CD86: variants seen among roughly 807,000 people sequenced by gnomAD.
The protein encoded by CD86 is T-lymphocyte activation antigen CD86.
CD86 carries 11 observed loss-of-function variants against 32.1 expected under a neutral mutation model. That is an observed-to-expected ratio of 0.34 (90% CI 0.22 to 0.57). The LOEUF (loss-of-function observed/expected upper bound fraction) is 0.57, where lower values mean the gene tolerates loss of function less well. CD86 is among the 20% of genes least tolerant of loss of function. The pLI is 0.86. For synonymous variants in CD86, 137 were observed against 135.3 expected (o/e 1.01, Z -0.09); for missense variants, 359 against 398.4 (o/e 0.90, Z 0.84).
At chr3:122,088,603 G>C (rs2072763432) in intron 1 of CD86, among the ~76,000 whole-genome samples, 2 of 152,268 alleles carry the variant, frequency 1.3e-5, no homozygotes, top group South Asian at 2.1e-4. Context: ...AGAGTTCTCT[G>C]TCTGATTCCT....
At chr3:122,086,530 C>G in intron 1 of CD86, 1 of 457,352 alleles carries the variant, frequency 2.2e-6, no homozygotes, top group Non-Finnish European at 4.4e-6. Flanking sequence ...CATATTTCCC[C>G]AGAGCTCTTC....
At chr3:122,111,106 A>G (rs2073165342) in intron 5 of CD86, among the ~76,000 whole-genome samples, 1 of 152,030 alleles carries the variant, frequency 6.6e-6, no homozygotes, top group South Asian at 2.1e-4. Context: ...CACATACATG[A>G]CCCCTAAGAA....
At chr3:122,101,506 A>AT (rs1559909700) in intron 2 of CD86, among the ~76,000 whole-genome samples, 50 of 57,142 alleles carry the variant, frequency 8.8e-4, no homozygotes, top group East Asian at 7.8e-3. Flanking sequence ...AAAAAAAAAA[A>AT]AAAAAAAATA....
intron 4 of CD86, 101 bp from the exon 5 acceptor site, chr3:122,109,164 C>T (rs2073135496): frequency 8.0e-7 from 1 of 1,255,964 alleles, no homozygotes; most frequent in East Asian, 2.4e-5. Context: ...GGCCTTAGAG[C>T]CCTGGGGAGA....
chr3:122,111,800 A>G (rs1480685948), intron 5 of CD86, among the ~76,000 whole-genome samples: 1 of 152,208 alleles, frequency 6.6e-6, no homozygotes, highest in African/African-American at 2.4e-5. Context: ...AATTTCTCCA[A>G]AAGTGGAGCT....
At chr3:122,083,066 T>G (rs78672460) in intron 1 of CD86, among the ~76,000 whole-genome samples, 1,701 of 152,316 alleles carry the variant, frequency 0.011, 21 homozygotes, top group Middle Eastern at 0.027. Flanking sequence ...TCTTGATCTA[T>G]CCACTTTTCC....
chr3:122,114,690 A>T (rs1200709439), intron 5 of CD86, among the ~76,000 whole-genome samples: 2 of 152,260 alleles, frequency 1.3e-5, no homozygotes, highest in Admixed American at 6.5e-5. Context: ...CAAGAAACAC[A>T]GGTAAGCTCA....
rs1228489030 is a variant in CD86 at position 122,119,779 on chromosome 3, G to T, written c.*245G>T. 2.5e-5 allele frequency: 9 copies of T among 363,350 alleles called. No individual in the cohort carries two copies. The highest frequency in any genetic ancestry group is 4.6e-5 in the Admixed American group (1 of 21,966). The allele number at this position is 363,350 out of a possible 1,614,324, so 22.5% of individuals were successfully genotyped here. On this transcript the variant is annotated 3_prime_UTR_variant, in exon 7 of 7. Transcript: ENST00000330540. The stretch of plus-strand genomic sequence containing the variant: ...AGAGCACACTTATGGGCCAAGCCCA[G>T]CTTAATGGCTCATGACCTGGAAATA...
chr3:122,073,059 C>T (rs2072511585), intron 1 of CD86, among the ~76,000 whole-genome samples: 1 of 151,166 alleles, frequency 6.6e-6, no homozygotes, highest in Admixed American at 6.6e-5. Context: ...GGCCTTATTT[C>T]TGAGGGCTCT....
intron 1 of CD86, among the ~76,000 whole-genome samples, chr3:122,066,118 C>T (rs2072409225): frequency 6.6e-6 from 1 of 152,182 alleles, no homozygotes; most frequent in South Asian, 2.1e-4. Flanking sequence ...AATCCCTTTA[C>T]ACACTCTTCA....
intron 1 of CD86, among the ~76,000 whole-genome samples, chr3:122,061,736 C>A (rs934824231): frequency 1.1e-4 from 17 of 152,148 alleles, no homozygotes; most frequent in Admixed American, 9.8e-4. Flanking sequence ...GCATACATTG[C>A]TTGTTGGGAA....
At chr3:122,091,472 T>G in intron 1 of CD86, 129 bp from the exon 2 acceptor site, 1 of 726,422 alleles carries the variant, frequency 1.4e-6, no homozygotes, top group Non-Finnish European at 2.5e-6. Context: ...GATGAAGCCC[T>G]GGCATTGTCT....
At chr3:122,100,855 C>A (rs569255127) in intron 2 of CD86, among the ~76,000 whole-genome samples, 20 of 152,226 alleles carry the variant, frequency 1.3e-4, no homozygotes, top group Admixed American at 1.1e-3. Flanking sequence ...CAATGCTTAC[C>A]CACCTATGGA....
chr3:122,109,447 G>A (rs2073140301), intron 5 of CD86, 39 bp downstream of exon 5: 1 of 1,611,510 alleles, frequency 6.2e-7, no homozygotes, highest in East Asian at 2.2e-5. Context: ...CTGTCACTTT[G>A]CACCTACTTC....
At chr3:122,060,171 CTTAAA>C (rs1376161670) in intron 1 of CD86, among the ~76,000 whole-genome samples, 6 of 152,164 alleles carry the variant, frequency 3.9e-5, no homozygotes, top group South Asian at 2.1e-4. Flanking sequence ...GATTACATCA[CTTAAA>C]TTAAGAGTAG....
At chr3:122,073,182 G>C (rs1240991112) in intron 1 of CD86, among the ~76,000 whole-genome samples, 1 of 147,728 alleles carries the variant, frequency 6.8e-6, no homozygotes, top group Non-Finnish European at 1.5e-5. Flanking sequence ...AGCAGCATTT[G>C]GTATTGTCAG....
intron 1 of CD86, among the ~76,000 whole-genome samples, chr3:122,091,094 A>G (rs1361873550): frequency 6.6e-6 from 1 of 152,238 alleles, no homozygotes; most frequent in Non-Finnish European, 1.5e-5. Context: ...GTCAAGATAA[A>G]TAATACTAGC....
At chr3:122,059,245 G>C (rs1199346034) in intron 1 of CD86, among the ~76,000 whole-genome samples, 2 of 152,190 alleles carry the variant, frequency 1.3e-5, no homozygotes, top group East Asian at 3.8e-4. Flanking sequence ...GGTCAATTCA[G>C]TAGCAGAGAG....
chr3:122,117,650 G>A (rs1206462987), intron 5 of CD86, among the ~76,000 whole-genome samples: 1 of 152,212 alleles, frequency 6.6e-6, no homozygotes, highest in Non-Finnish European at 1.5e-5. Flanking sequence ...GCCGATTTAG[G>A]CATCAACATC....
Sources: gnomAD v4.1 joint callset for allele counts (sites outside exome capture counted in the v4.1 genomes callset) on GRCh38, gnomAD v4.1.1 for gene constraint, MANE v1.5 for transcripts, NCBI Gene and HGNC (gene_info 2026-07-23, HGNC 2026-07-21) for gene names.